SLC20A1: variants seen among roughly 807,000 people sequenced by gnomAD.
The protein encoded by SLC20A1 is sodium-dependent phosphate transporter 1.
In SLC20A1, 28 loss-of-function variants were observed where a neutral mutation model predicts 62.7. That is an observed-to-expected ratio of 0.45 (90% CI 0.33 to 0.61). The LOEUF (loss-of-function observed/expected upper bound fraction) is 0.61, where lower values mean the gene tolerates loss of function less well. Among genes scored for constraint, SLC20A1 ranks in the 20% least tolerant of loss-of-function variants. The probability of loss-of-function intolerance (pLI) is 0.02; values close to 1 mark genes in which losing one functional copy is unlikely to be tolerated. For missense variants in SLC20A1, 673 were observed against 838.6 expected (o/e 0.80, Z 2.44); for synonymous variants, 305 against 302.9 (o/e 1.01, Z -0.07).
At chr2:112,648,074 T>C (rs182045232) in intron 4 of SLC20A1, among the ~76,000 whole-genome samples, 19 of 152,126 alleles carry the variant, frequency 1.2e-4, no homozygotes, top group African/African-American at 4.6e-4. Flanking sequence ...CAGGCTAATA[T>C]AATACGTAAA....
intron 5 of SLC20A1, chr2:112,653,428 A>AG (rs1284054130): frequency 6.0e-6 from 1 of 165,434 alleles, no homozygotes; most frequent in African/African-American, 2.4e-5. Flanking sequence ...TTTAGCAACA[A>AG]CAAAAGATTG....
intron 10 of SLC20A1, 107 bp from the exon 11 acceptor site, chr2:112,662,757 C>A: frequency 8.9e-7 from 1 of 1,125,420 alleles, no homozygotes; most frequent in Non-Finnish European, 1.3e-6. Context: ...TGGACTTTGT[C>A]TTGTCCAGGG....
chr2:112,662,340 G>C (rs778016992), intron 10 of SLC20A1, among the ~76,000 whole-genome samples: 2 of 152,220 alleles, frequency 1.3e-5, no homozygotes, highest in Non-Finnish European at 2.9e-5. Context: ...CCAGCACTTT[G>C]GGAGGCCAAG....
chr2:112,659,872 TAATACA>T (rs1366047966), intron 8 of SLC20A1, 110 bp downstream of exon 8: 23 of 839,476 alleles, frequency 2.7e-5, no homozygotes, highest in Non-Finnish European at 1.9e-6. Flanking sequence ...GGACCCCAAA[TAATACA>T]AATAGGATGA....
chr2:112,650,888 C>A (rs1180332283), intron 4 of SLC20A1, among the ~76,000 whole-genome samples: 2 of 152,130 alleles, frequency 1.3e-5, no homozygotes, highest in Non-Finnish European at 2.9e-5. Flanking sequence ...TCCCAAAGTG[C>A]TAGGATTACA....
At position 112,647,689 on chromosome 2, in the gene SLC20A1, T is replaced by G. The variant is rs1347300489; in HGVS notation, c.512T>G (p.Ile171Ser). 1.9e-6 allele frequency: 3 copies of G among 1,614,162 alleles called. No individual in the cohort carries two copies. The South Asian group carries it at 3.3e-5, about 18-fold the overall frequency. Residue 171 changes from isoleucine to serine, a missense_variant, in exon 4 of 11, where the codon ATT becomes AGT. Transcript: ENST00000272542. ...TTCGTGTCCCCACTGCTTTCTGGAA[T>G]TATGTCTGGAATTTTATTCTTCCTG... is the stretch of plus-strand genomic sequence containing the variant. ...SWFVSPLLSG[I>S]MSGILFFLVR...
Position 112,646,906 on chromosome 2 carries a change from C to T in SLC20A1, c.78C>T (p.Ile26=), listed in dbSNP as rs756361403. ...TGGTGGACTACCTATGGATGCTCAT[C>T]CTGGGCTTCATTATTGCATTTGTCT... The part of the protein sequence containing the change: ...GPLVDYLWML[I]LGFIIAFVLA... Residue 26 remains isoleucine (I), a synonymous_variant, in exon 2 of 11, where the codon ATC becomes ATT. Transcript: ENST00000272542. 8.7e-6 allele frequency: 14 copies of T among 1,613,988 alleles called. No homozygotes were observed. The highest frequency in any genetic ancestry group is 1.2e-5 in the Non-Finnish European group (14 of 1,180,006).
chr2:112,651,875 G>A (rs1287695752), intron 4 of SLC20A1: 14 of 152,270 alleles, frequency 9.2e-5, no homozygotes, highest in Admixed American at 6.5e-4. Flanking sequence ...AACATTCAGC[G>A]CCCAAATAAT....
At chr2:112,650,481 A>G (rs1182586122) in intron 4 of SLC20A1, among the ~76,000 whole-genome samples, 2 of 149,864 alleles carry the variant, frequency 1.3e-5, no homozygotes, top group East Asian at 2.0e-4. Flanking sequence ...TACAGGCGCC[A>G]CCACACCCGG....
At chr2:112,656,350 C>T (rs187298297) in intron 5 of SLC20A1, among the ~76,000 whole-genome samples, 12 of 152,122 alleles carry the variant, frequency 7.9e-5, no homozygotes, top group African/African-American at 2.9e-4. Flanking sequence ...GCGCCCACCA[C>T]CATGCCCGGC....
Position 112,647,311 on chromosome 2 carries a change from T to C in SLC20A1, c.335-13T>C, listed in dbSNP as rs367782134. On this transcript the variant is annotated splice_polypyrimidine_tract_variant and intron_variant, in intron 2 of 10. Coordinates refer to ENST00000272542, the MANE Select transcript of SLC20A1 (RefSeq NM_005415.5). ...TTTTGATATTTACTTAATAAAACTT[T>C]ACTATGTTTCAGGTTCTGCTGTGTG... is the stretch of plus-strand genomic sequence containing the variant. The C allele has an allele frequency of 5.2e-4, 834 of 1,609,924 alleles. 2 individuals carry two copies. The highest frequency in any genetic ancestry group is 1.2e-3 in the Middle Eastern group (7 of 6,048).
rs559235993 is a variant in SLC20A1 at position 112,659,840 on chromosome 2, A to T, written c.1607+78A>T. 1.7e-5 allele frequency: 22 copies of T among 1,288,502 alleles called. No homozygotes were observed. In the African/African-American group the frequency reaches 3.1e-4, roughly 18 times the overall value. 79.8% of individuals were successfully genotyped at this position (1,288,502 alleles called of 1,614,324 possible). On this transcript the variant is annotated intron_variant, in intron 8 of 10. Coordinates refer to ENST00000272542, the MANE Select transcript of SLC20A1 (RefSeq NM_005415.5). The stretch of plus-strand genomic sequence containing the variant: ...CTTGTCACAGGCCTGTGCTTGTGGT[A>T]GTGGTACTCCTAGCATTTACAGGAC...
rs781328277 is a variant in SLC20A1, at chr2:112,659,315, T to C, written c.1160T>C (p.Leu387Pro). ...QYHTVHKDSG[L>P]YKELLHKLHL... ...CACACCGTGCATAAGGATTCCGGCC[T>C]GTACAAAGAGCTACTCCATAAATTA... Residue 387 changes from leucine to proline, a missense_variant, in exon 8 of 11, where the codon CTG (leucine) becomes CCG (proline). Leu to Pro is a moderately conservative substitution (Grantham distance 98). Coordinates refer to ENST00000272542, the MANE Select transcript of SLC20A1 (RefSeq NM_005415.5). The C allele has an allele frequency of 1.9e-6, 3 of 1,614,230 alleles. No homozygotes were observed. The highest frequency in any genetic ancestry group is 2.5e-6 in the Non-Finnish European group (3 of 1,180,052).
rs1199559131 is a variant in SLC20A1 at position 112,663,188 on chromosome 2, A to G, written c.*163A>G. 3.5e-6 allele frequency: 3 copies of G among 847,258 alleles called. No homozygotes were observed. 52.5% of individuals were successfully genotyped at this position (847,258 alleles called of 1,614,324 possible). ...TGTGCTATAACTGCTTTTGTGCTAA[A>G]TATGAATTGTCTCAAAATTAGCTGT... On this transcript the variant is annotated 3_prime_UTR_variant, in exon 11 of 11. Transcript: ENST00000272542.
chr2:112,652,951 C>T (rs960372079), intron 5 of SLC20A1, 153 bp downstream of exon 5: 12 of 1,560,360 alleles, frequency 7.7e-6, no homozygotes, highest in African/African-American at 4.1e-5. Flanking sequence ...GGCTAGTGTA[C>T]GCTGAGTTAA....
chr2:112,647,541 G>A lies in SLC20A1; in HGVS notation c.475+77G>A. The A allele has an allele frequency of 1.9e-6, 3 of 1,586,644 alleles. No homozygotes were observed. In the South Asian group the frequency reaches 3.3e-5, roughly 18 times the overall value. On this transcript the variant is annotated intron_variant, in intron 3 of 10. Transcript: ENST00000272542. ...CATGGCATTAGGTATGGGAGGATGT[G>A]TTCTAACGTCGAGGGACAGACCCAA...
At chr2:112,649,696 A>G (rs1184131609) in intron 4 of SLC20A1, among the ~76,000 whole-genome samples, 1 of 152,262 alleles carries the variant, frequency 6.6e-6, no homozygotes, top group Non-Finnish European at 1.5e-5. Context: ...GGCATCGCAC[A>G]GAAGGAATAT....
At chr2:112,660,631 A>G in intron 9 of SLC20A1, 59 bp downstream of exon 9, 4 of 1,421,416 alleles carry the variant, frequency 2.8e-6, no homozygotes, top group South Asian at 1.3e-5. Context: ...GAGATATAAC[A>G]CTGTCGAGTG....
chr2:112,660,411 T>C lies in SLC20A1; in HGVS notation c.1632T>C (p.Ala544=). 6.2e-7 allele frequency: 1 copy of C among 1,614,176 alleles called. No homozygotes were observed. The highest frequency in any genetic ancestry group is 2.2e-5 in the East Asian group (1 of 44,880). Residue 544 remains alanine (A), a synonymous_variant, in exon 9 of 11, where the codon GCT becomes GCC. Coordinates refer to ENST00000272542, the MANE Select transcript of SLC20A1 (RefSeq NM_005415.5). ...GCAATGCCATTGGGCCTCTGGTTGC[T>C]TTATATTTGGTTTATGACACAGGAG... ...DVSNAIGPLV[A]LYLVYDTGDV... is the part of the protein sequence containing the mutation.
Sources: gnomAD v4.1 joint callset for allele counts (sites outside exome capture counted in the v4.1 genomes callset) on GRCh38, gnomAD v4.1.1 for gene constraint, MANE v1.5 for transcripts, NCBI Gene and HGNC (gene_info 2026-07-23, HGNC 2026-07-21) for gene names.